Variants in HERC4 observed in about 807,000 individuals in gnomAD.
The protein encoded by HERC4 is HECT and RLD domain containing E3 ubiquitin protein ligase 4, also known as probable E3 ubiquitin-protein ligase HERC4.
HERC4 carries 28 observed loss-of-function variants against 124.3 expected under a neutral mutation model. The observed-to-expected ratio is 0.23, with a 90% CI of 0.17 to 0.31. HERC4 has a LOEUF of 0.31. Among genes scored for constraint, HERC4 ranks in the 10% least tolerant of loss-of-function variants. HERC4 has a pLI of 1.00. For synonymous variants in HERC4, 407 were observed against 421.5 expected (o/e 0.97, Z 0.42); for missense variants, 713 against 1,229.3 (o/e 0.58, Z 6.28).
intron 9 of HERC4, among the ~76,000 whole-genome samples, chr10:67,995,893 AT>A (rs148834054): frequency 0.014 from 2,088 of 152,098 alleles, 37 homozygotes; most frequent in African/African-American, 0.047. Context: ...GTGTCAAGTA[AT>A]TTTCCCCCCC....
intron 3 of HERC4, among the ~76,000 whole-genome samples, chr10:68,072,527 C>G (rs1007298088): frequency 1.3e-5 from 2 of 152,028 alleles, no homozygotes; most frequent in African/African-American, 4.8e-5. Context: ...AAGGTAAACA[C>G]AGAGTAAATT....
At chr10:68,045,319 C>G (rs1022181532) in intron 3 of HERC4, among the ~76,000 whole-genome samples, 1 of 152,114 alleles carries the variant, frequency 6.6e-6, no homozygotes. Flanking sequence ...AGAGCCAGAC[C>G]GTGTCTCAAG....
intron 23 of HERC4, among the ~76,000 whole-genome samples, chr10:67,931,461 G>A (rs1354378377): frequency 6.6e-6 from 1 of 152,048 alleles, no homozygotes; most frequent in Admixed American, 6.6e-5. Context: ...TTTGGCTAGG[G>A]CTTTTTTTTG....
intron 19 of HERC4, among the ~76,000 whole-genome samples, chr10:67,945,553 T>G (rs1308578012): frequency 1.3e-5 from 2 of 152,086 alleles, no homozygotes; most frequent in Non-Finnish European, 2.9e-5. Flanking sequence ...AAACAGAATA[T>G]TATGACACTC....
Position 67,925,020 on chromosome 10 carries a change from C to T in HERC4, c.2941+65G>A, listed in dbSNP as rs181597917. On this transcript the variant is annotated intron_variant, in intron 24 of 24. Coordinates refer to ENST00000373700, the MANE Select transcript of HERC4 (RefSeq NM_015601.4). The stretch of plus-strand genomic sequence containing the variant: ...AAATTACTTGAAGATTAAAACAGGG[C>T]TTTGGAATAATACTATAATTAGATT... The T allele has an allele frequency of 1.1e-3, 973 of 876,502 alleles. 1 individual carries two copies. Among genetic ancestry groups the T allele is most frequent in the Non-Finnish European group, 1.5e-3 (842 of 553,260 alleles). The allele number at this position is 876,502 out of a possible 1,614,324, so 54.3% of individuals were successfully genotyped here.
At chr10:67,994,227 A>T (rs2036723323) in intron 9 of HERC4, 1 of 152,180 alleles carries the variant, frequency 6.6e-6, no homozygotes, top group South Asian at 2.1e-4. Context: ...TCTTTTTTCT[A>T]AATAATTCTC....
chr10:67,945,341 T>C (rs1350678561), intron 19 of HERC4, among the ~76,000 whole-genome samples: 1 of 152,180 alleles, frequency 6.6e-6, no homozygotes, highest in African/African-American at 2.4e-5. Context: ...TAGAATAGTA[T>C]GTATATCCAG....
At chr10:67,949,870 C>G (rs2033670308) in intron 19 of HERC4, among the ~76,000 whole-genome samples, 1 of 151,840 alleles carries the variant, frequency 6.6e-6, no homozygotes. Flanking sequence ...ATATAAAAAA[C>G]TAGCCAGGTA....
At position 68,014,376 on chromosome 10, in the gene HERC4, TAGAC is replaced by T. The variant is rs1271701442; in HGVS notation, c.909-194_909-191del. Among the ~76,000 whole-genome samples the T allele has an allele frequency of 4.6e-5, 7 of 152,334 alleles. No individual in the cohort carries two copies. In the South Asian group the frequency reaches 6.2e-4, roughly 14 times the overall value. ...TCTATAGAATGAATTCTGCATCACA[TAGAC>T]AGGCTGCACGAGCATGGTCCAGAAA... On this transcript the variant is annotated intron_variant, in intron 8 of 24. Coordinates refer to ENST00000373700, the MANE Select transcript of HERC4 (RefSeq NM_015601.4).
intron 16 of HERC4, among the ~76,000 whole-genome samples, chr10:67,958,626 T>C (rs1477189774): frequency 1.3e-5 from 2 of 152,198 alleles, no homozygotes; most frequent in African/African-American, 4.8e-5. Context: ...TAAACCAAAG[T>C]GCTAGAACTT....
chr10:68,065,126 T>A (rs1237412484), intron 3 of HERC4, among the ~76,000 whole-genome samples: 2 of 152,108 alleles, frequency 1.3e-5, no homozygotes, highest in African/African-American at 4.8e-5. Flanking sequence ...AAAGTTGAGA[T>A]ACAAGAACAC....
At chr10:67,940,883 T>TC (rs34400006) in intron 20 of HERC4, 56 bp downstream of exon 20, 2 of 1,413,820 alleles carry the variant, frequency 1.4e-6, no homozygotes, top group Non-Finnish European at 1.9e-6. Context: ...TTCTGTACCT[T>TC]CCCCACTTTT....
chr10:68,028,262 AT>A (rs2039006619), intron 7 of HERC4, among the ~76,000 whole-genome samples: 1 of 151,746 alleles, frequency 6.6e-6, no homozygotes, highest in African/African-American at 2.4e-5. Context: ...AAAAAAAAAA[AT>A]GAGTGTTGTC....
intron 7 of HERC4, among the ~76,000 whole-genome samples, chr10:68,026,888 T>G (rs919817131): frequency 1.3e-5 from 2 of 151,378 alleles, no homozygotes; most frequent in Admixed American, 6.6e-5. Context: ...TGTAGTTCCA[T>G]CTACTTTGGA....
chr10:67,972,529 GAAAAAAAAAAA>G (rs58031306), intron 15 of HERC4, among the ~76,000 whole-genome samples: 2 of 58,396 alleles, frequency 3.4e-5, no homozygotes, highest in African/African-American at 1.3e-4. Flanking sequence ...CAAAAAAGAG[GAAAAAAAAAAA>G]AAAAAAAAAA....
intron 3 of HERC4, among the ~76,000 whole-genome samples, chr10:68,062,787 G>A (rs1248683559): frequency 6.6e-6 from 1 of 151,684 alleles, no homozygotes; most frequent in Admixed American, 6.6e-5. Flanking sequence ...AAAAATAAAG[G>A]ACTACCATCA....
chr10:67,991,269 G>A (rs1485431157), intron 11 of HERC4, 70 bp from the exon 12 acceptor site: 3 of 815,706 alleles, frequency 3.7e-6, no homozygotes, highest in African/African-American at 3.5e-5. Context: ...TCTTAAAAAA[G>A]AATTAAAATG....
chr10:67,998,044 G>A (rs1057253161), intron 9 of HERC4, among the ~76,000 whole-genome samples: 2 of 151,846 alleles, frequency 1.3e-5, no homozygotes, highest in Non-Finnish European at 2.9e-5. Context: ...GACTATAGGT[G>A]CGTGCCACCA....
At chr10:68,009,341 C>T (rs540443891) in intron 9 of HERC4, among the ~76,000 whole-genome samples, 2 of 152,114 alleles carry the variant, frequency 1.3e-5, no homozygotes, top group East Asian at 3.9e-4. Flanking sequence ...TCCCAAACTC[C>T]TGGCCTCAAG....
Sources: gnomAD v4.1 joint callset for allele counts (sites outside exome capture counted in the v4.1 genomes callset) on GRCh38, gnomAD v4.1.1 for gene constraint, MANE v1.5 for transcripts, NCBI Gene and HGNC (gene_info 2026-07-23, HGNC 2026-07-21) for gene names.